The following IL1RAPL1 variants were observed in gnomAD, a reference collection of about 807,000 sequenced individuals.
IL1RAPL1 encodes the protein interleukin 1 receptor accessory protein like 1.
In IL1RAPL1, 3 loss-of-function variants were observed where a neutral mutation model predicts 48.4. The ratio of observed to expected loss-of-function variants is 0.06; its 90% CI spans 0.03 to 0.16. The LOEUF (loss-of-function observed/expected upper bound fraction) is 0.16. IL1RAPL1 is among the 10% of genes least tolerant of loss of function. The pLI, the probability that IL1RAPL1 is intolerant of heterozygous loss-of-function variation, is 1.00. For missense variants in IL1RAPL1, 349 were observed against 530.6 expected, an observed-to-expected ratio of 0.66 and a Z score of 3.36; for synonymous variants, 185 against 187.7, an observed-to-expected ratio of 0.99 and a Z score of 0.12.
intron 1 of IL1RAPL1, among the ~76,000 whole-genome samples, chrX:28,642,810 G>A (rs1934562618): frequency 9.0e-6 from 1 of 111,279 alleles, no homozygotes; most frequent in Non-Finnish European, 1.9e-5. Flanking sequence ...ACTAAGATCA[G>A]AGGAGAACTG....
chrX:29,773,033 G>A (rs1480949647), intron 6 of IL1RAPL1, among the ~76,000 whole-genome samples: 1 of 111,819 alleles, frequency 8.9e-6, no homozygotes, highest in Non-Finnish European at 1.9e-5. Flanking sequence ...CTCAAAATGT[G>A]AGAATTTGAA....
At chrX:29,756,540 G>C (rs1241419999) in intron 6 of IL1RAPL1, among the ~76,000 whole-genome samples, 2 of 110,113 alleles carry the variant, frequency 1.8e-5, no homozygotes, top group Non-Finnish European at 3.8e-5. Flanking sequence ...AGCCTCCCGA[G>C]TAGCTGGGAT....
At chrX:29,932,337 T>C (rs751796888) in intron 8 of IL1RAPL1, among the ~76,000 whole-genome samples, 52 of 112,695 alleles carry the variant, frequency 4.6e-4, no homozygotes, top group Non-Finnish European at 9.0e-4. Context: ...ATGGCAATTT[T>C]TCCCAAGGGA....
At chrX:29,079,028 A>G (rs773858826) in intron 2 of IL1RAPL1, among the ~76,000 whole-genome samples, 197 of 112,411 alleles carry the variant, frequency 1.8e-3, no homozygotes, top group Middle Eastern at 4.6e-3. Context: ...TTCACACAAT[A>G]AAGTACTGCT....
chrX:29,291,158 T>A (rs1392990507), intron 3 of IL1RAPL1, among the ~76,000 whole-genome samples: 1 of 111,549 alleles, frequency 9.0e-6, no homozygotes, highest in Non-Finnish European at 1.9e-5. Flanking sequence ...TGAATACAAC[T>A]GCTCAGGAGT....
chrX:28,977,543 A>C (rs1925234894), intron 2 of IL1RAPL1, among the ~76,000 whole-genome samples: 1 of 112,474 alleles, frequency 8.9e-6, no homozygotes, highest in African/African-American at 3.2e-5. Context: ...ACCGGGGGTT[A>C]CAATTGAACA....
intron 2 of IL1RAPL1, among the ~76,000 whole-genome samples, chrX:28,833,969 G>A (rs1921138931): frequency 8.9e-6 from 1 of 112,078 alleles, no homozygotes; most frequent in African/African-American, 3.2e-5. Context: ...GAAAAGTACA[G>A]CATGTATTTA....
chrX:28,712,320 A>C (rs979789560), intron 1 of IL1RAPL1, among the ~76,000 whole-genome samples: 2 of 110,682 alleles, frequency 1.8e-5, no homozygotes, highest in Non-Finnish European at 3.8e-5. Context: ...AGAAGTTTCT[A>C]AAGGATATTT....
At chrX:29,863,326 C>G (rs181549972) in intron 6 of IL1RAPL1, among the ~76,000 whole-genome samples, 100 of 111,698 alleles carry the variant, frequency 9.0e-4, no homozygotes, top group Middle Eastern at 4.6e-3. Context: ...ACATTTTATT[C>G]TTTGTGAGTG....
chrX:28,714,565 A>C (rs1935480746), intron 1 of IL1RAPL1, among the ~76,000 whole-genome samples: 1 of 112,202 alleles, frequency 8.9e-6, no homozygotes, highest in Non-Finnish European at 1.9e-5. Context: ...TGCACATGCT[A>C]AACTGTGAAA....
At chrX:29,283,421 G>A (rs1932233360) in intron 3 of IL1RAPL1, among the ~76,000 whole-genome samples, 1 of 112,137 alleles carries the variant, frequency 8.9e-6, no homozygotes, top group Non-Finnish European at 1.9e-5. Flanking sequence ...GGAGAAAAGC[G>A]ATACCATCTG....
intron 8 of IL1RAPL1, among the ~76,000 whole-genome samples, chrX:29,939,559 C>T (rs972975398): frequency 9.0e-6 from 1 of 111,581 alleles, no homozygotes; most frequent in Non-Finnish European, 1.9e-5. Flanking sequence ...GTATTTTGTT[C>T]CTGGTATTTT....
At chrX:28,620,851 T>G (rs1601837290) in intron 1 of IL1RAPL1, among the ~76,000 whole-genome samples, 1 of 112,298 alleles carries the variant, frequency 8.9e-6, no homozygotes, top group Middle Eastern at 4.6e-3. Context: ...TACATTATTT[T>G]ATCTTGGGCC....
intron 3 of IL1RAPL1, among the ~76,000 whole-genome samples, chrX:29,299,091 G>A (rs1932494182): frequency 9.1e-6 from 1 of 109,990 alleles, no homozygotes; most frequent in Admixed American, 9.7e-5. Context: ...GACTAGACTG[G>A]CCTAGCCTCC....
At chrX:29,145,770 G>A (rs1346437826) in intron 2 of IL1RAPL1, among the ~76,000 whole-genome samples, 4 of 111,339 alleles carry the variant, frequency 3.6e-5, no homozygotes, top group Non-Finnish European at 3.8e-5. Flanking sequence ...CTAGTTACTC[G>A]GCACAAAAAC....
intron 9 of IL1RAPL1, among the ~76,000 whole-genome samples, chrX:29,952,179 G>T (rs1205906169): frequency 8.9e-6 from 1 of 111,808 alleles, no homozygotes; most frequent in Non-Finnish European, 1.9e-5. Context: ...TGTTGATATG[G>T]CTTTAAAATA....
chrX:28,771,730 A>G (rs1936308241), intron 1 of IL1RAPL1, among the ~76,000 whole-genome samples: 1 of 111,470 alleles, frequency 9.0e-6, no homozygotes, highest in Non-Finnish European at 1.9e-5. Context: ...ATTAATATGT[A>G]TCTTATTTAA....
chrX:29,761,380 A>G (rs1377702824), intron 6 of IL1RAPL1, among the ~76,000 whole-genome samples: 1 of 111,714 alleles, frequency 9.0e-6, no homozygotes, highest in African/African-American at 3.2e-5. Flanking sequence ...AACTTTATAC[A>G]AAAGGTAAAG....
chrX:29,258,806 T>C (rs1364751110), intron 2 of IL1RAPL1, among the ~76,000 whole-genome samples: 1 of 111,088 alleles, frequency 9.0e-6, no homozygotes, highest in Admixed American at 9.6e-5. Flanking sequence ...TAAATGGATG[T>C]CAGGTGTGCA....
Sources: allele counts gnomAD v4.1 joint callset (sites outside exome capture counted in the v4.1 genomes callset), GRCh38; gene constraint gnomAD v4.1.1; transcripts MANE v1.5; gene names NCBI Gene and HGNC (gene_info 2026-07-23, HGNC 2026-07-21).